Variants in GLIPR1 observed in about 807,000 individuals in gnomAD.
GLIPR1 encodes the protein GLI pathogenesis related 1.
In GLIPR1, 38 loss-of-function variants were observed where a neutral mutation model predicts 30.3. That is an observed-to-expected ratio of 1.26 (90% CI 0.97 to 1.65). The LOEUF is 1.65. Among genes scored for constraint, GLIPR1 ranks in the 40% most tolerant of loss-of-function variants. The pLI, the probability that GLIPR1 is intolerant of heterozygous loss-of-function variation, is 0.00. For synonymous variants in GLIPR1, 122 were observed against 110.6 expected (o/e 1.10, Z -0.65); for missense variants, 285 against 326.5 (o/e 0.87, Z 0.98).
At chr12:75,494,861 G>A (rs998693734) in intron 3 of GLIPR1, 1 of 152,184 alleles carries the variant, frequency 6.6e-6, no homozygotes, top group African/African-American at 2.4e-5. Flanking sequence ...CTGTGACTCA[G>A]CCTCTAGCTA....
intron 2 of GLIPR1, among the ~76,000 whole-genome samples, chr12:75,487,383 G>A (rs115448577): frequency 0.011 from 1,643 of 152,342 alleles, 30 homozygotes; most frequent in African/African-American, 0.037. Flanking sequence ...TTAGAAAGTA[G>A]AAGTTTAAGG....
chr12:75,491,206 A>C (rs896072718), intron 3 of GLIPR1: 1 of 152,234 alleles, frequency 6.6e-6, no homozygotes, highest in African/African-American at 2.4e-5. Context: ...CAATGCTCTC[A>C]GCACTGTTAA....
intron 3 of GLIPR1, chr12:75,490,958 G>C (rs2046320504): frequency 6.5e-6 from 1 of 153,456 alleles, no homozygotes; most frequent in East Asian, 1.9e-4. Context: ...ATTTACTTTT[G>C]ACAGTTGTTT....
chr12:75,498,682 C>CTAACT lies in GLIPR1; in HGVS notation c.620-10_620-6dup, dbSNP rs1555240455. The CTAACT allele has an allele frequency of 1.2e-6, 2 of 1,609,238 alleles. No homozygotes were observed. Among genetic ancestry groups the CTAACT allele is most frequent in the South Asian group, 1.1e-5 (1 of 90,966 alleles). On this transcript the variant is annotated splice_polypyrimidine_tract_variant and intron_variant, in intron 4 of 5. Transcript: ENST00000266659. ...TTTTAATTTTTTTTCTTTCTTCCCC[C>CTAACT]TAACTTTACAGTTAACCGACAGCGA...
chr12:75,498,477 T>C, intron 4 of GLIPR1: 1 of 459,872 alleles, frequency 2.2e-6, no homozygotes, highest in Non-Finnish European at 3.8e-6. Context: ...GTTTCCTTTT[T>C]ATAAAAGGTT....
intron 2 of GLIPR1, chr12:75,483,872 AT>A (rs1449724751): frequency 1.3e-5 from 2 of 152,204 alleles, no homozygotes; most frequent in Non-Finnish European, 2.9e-5. Flanking sequence ...AGCATGCCAA[AT>A]ATATAGAGGT....
intron 2 of GLIPR1, among the ~76,000 whole-genome samples, chr12:75,489,317 T>G (rs1436787136): frequency 6.6e-6 from 1 of 152,200 alleles, no homozygotes; most frequent in East Asian, 1.9e-4. Flanking sequence ...CACTGACCAC[T>G]CCTTCAGTCT....
Position 75,502,163 on chromosome 12 carries a change from A to G in GLIPR1, c.*3185A>G, listed in dbSNP as rs1296958277. 1.7e-6 allele frequency: 1 copy of G among 597,082 alleles called. No individual in the cohort carries two copies. Among genetic ancestry groups the G allele is most frequent in the Non-Finnish European group, 2.9e-6 (1 of 339,318 alleles). 37.0% of individuals were successfully genotyped at this position (597,082 alleles called of 1,614,324 possible). On this transcript the variant is annotated 3_prime_UTR_variant, in exon 6 of 6. Transcript: ENST00000266659. The stretch of plus-strand genomic sequence containing the variant: ...AAACAGAGTCTAAGCTGAGGGGAAT[A>G]CATACACAAAAGTGTGGAGGTAGGA...
intron 2 of GLIPR1, among the ~76,000 whole-genome samples, chr12:75,483,172 AAACT>A (rs2046279194): frequency 3.9e-5 from 6 of 152,228 alleles, no homozygotes; most frequent in Admixed American, 3.9e-4. Flanking sequence ...TTTACTTCAT[AAACT>A]AACAATTTTG....
rs554912924 is a variant in GLIPR1, at chr12:75,500,185, A to C, written c.*1207A>C. Reference sequence around the variant, plus strand: ...ATAAAATACTTTATATATTAGTACAAGTATACATAAAAATGGCATAAATGG... The same window carrying C: ...ATAAAATACTTTATATATTAGTACACGTATACATAAAAATGGCATAAATGG... On this transcript the variant is annotated 3_prime_UTR_variant, in exon 6 of 6. Transcript: ENST00000266659. 3 of 283,068 alleles carry C rather than the reference A, an allele frequency of 1.1e-5. No homozygotes were observed. The highest frequency in any genetic ancestry group is 2.0e-4 in the South Asian group (2 of 9,858). The allele number at this position is 283,068 out of a possible 1,614,324, so 17.5% of individuals were successfully genotyped here.
Position 75,481,069 on chromosome 12 carries a change from A to G in GLIPR1, c.174+15A>G. The G allele has an allele frequency of 2.5e-6, 4 of 1,590,744 alleles. No homozygotes were observed. The highest frequency in any genetic ancestry group is 3.4e-6 in the Non-Finnish European group (4 of 1,162,244). ...TGCTATACATGGTAAGGAAAATATC[A>G]TTAATTGTGGCGTCAGTCAGTCAGA... is the stretch of plus-strand genomic sequence containing the variant. On this transcript the variant is annotated intron_variant, in intron 1 of 5. Transcript: ENST00000266659.
intron 3 of GLIPR1, chr12:75,492,326 C>T (rs1176153571): frequency 1.3e-5 from 2 of 152,262 alleles, no homozygotes; most frequent in Non-Finnish European, 2.9e-5. Flanking sequence ...AAGTGATCCA[C>T]CTGCCTCAGC....
intron 2 of GLIPR1, among the ~76,000 whole-genome samples, chr12:75,487,020 T>C (rs1243990409): frequency 6.6e-6 from 1 of 152,208 alleles, no homozygotes; most frequent in Non-Finnish European, 1.5e-5. Flanking sequence ...ACAAAATGAA[T>C]GGTAACTAAC....
At chr12:75,492,640 T>G (rs144855831) in intron 3 of GLIPR1, 121 of 152,328 alleles carry the variant, frequency 7.9e-4, no homozygotes, top group Non-Finnish European at 1.4e-3. Context: ...GACTCACTTA[T>G]CTTCAGAGTT....
chr12:75,498,800 G>GAAA (rs1566101459), intron 5 of GLIPR1, 24 bp from the exon 6 acceptor site: 1 of 1,611,790 alleles, frequency 6.2e-7, no homozygotes, highest in Admixed American at 1.7e-5. Context: ...ATGTCTAAGA[G>GAAA]GATATTCTAT....
chr12:75,486,488 C>G (rs2120509999), intron 2 of GLIPR1, among the ~76,000 whole-genome samples: 1 of 152,206 alleles, frequency 6.6e-6, no homozygotes, highest in East Asian at 1.9e-4. Flanking sequence ...GATAAGGAAC[C>G]TAAGACCAAG....
At position 75,498,851 on chromosome 12, in the gene GLIPR1, G is replaced by A. The variant is rs768215922; in HGVS notation, c.674G>A (p.Trp225Ter). The stretch of plus-strand genomic sequence containing the variant: ...TACTACTCTGTTGTATATCCAGGCT[G>A]GCCCATATATCCACGTAACAGATAC... ...KRYYSVVYPG[W>*]PIYPRNRYTS... The change falls in exon 6 of 6, where the codon TGG becomes TAG. Residue 225 changes from tryptophan (W) to a stop codon, truncating the protein, a stop_gained. Transcript: ENST00000266659. LOFTEE classifies it low-confidence loss of function (END_TRUNC). 6.8e-6 allele frequency: 11 copies of A among 1,611,960 alleles called. No homozygotes were observed. The highest frequency in any genetic ancestry group is 2.2e-5 in the East Asian group (1 of 44,822).
chr12:75,483,718 G>C (rs1043018870), intron 2 of GLIPR1: 1 of 152,216 alleles, frequency 6.6e-6, no homozygotes, highest in Non-Finnish European at 1.5e-5. Flanking sequence ...GCTTCACACT[G>C]CTGGAGACAT....
intron 4 of GLIPR1, chr12:75,496,763 C>A (rs563369597): frequency 5.4e-4 from 83 of 152,302 alleles, no homozygotes; most frequent in African/African-American, 1.9e-3. Flanking sequence ...TTCCATTGCT[C>A]ATGTTTTATA....
Sources: allele counts gnomAD v4.1 joint callset (sites outside exome capture counted in the v4.1 genomes callset), GRCh38; gene constraint gnomAD v4.1.1; transcripts MANE v1.5; gene names NCBI Gene and HGNC (gene_info 2026-07-23, HGNC 2026-07-21).